Variants in FMO2 observed in about 807,000 individuals in gnomAD.
FMO2 encodes flavin containing dimethylaniline monoxygenase 2.
A neutral mutation model predicts 41.6 loss-of-function variants in FMO2; 33 were observed. The ratio of observed to expected loss-of-function variants is 0.79; its 90% confidence interval spans 0.60 to 1.06. The LOEUF is 1.06. FMO2 is among the 50% of genes least tolerant of loss of function. The pLI is 0.00. For missense variants in FMO2, 619 were observed against 632.9 expected (o/e 0.98, Z 0.23); for synonymous variants, 214 against 219.6 (o/e 0.97, Z 0.23).
intron 5 of FMO2, among the ~76,000 whole-genome samples, chr1:171,199,811 C>T (rs1284210153): frequency 6.6e-6 from 1 of 152,120 alleles, no homozygotes; most frequent in African/African-American, 2.4e-5. Context: ...ACCTCCTGGG[C>T]TCCAATCTTC....
chr1:171,196,896 G>C, intron 4 of FMO2, 85 bp downstream of exon 4: 1 of 1,228,082 alleles, frequency 8.1e-7, no homozygotes, highest in Non-Finnish European at 1.2e-6. Flanking sequence ...AGGATTCATT[G>C]CTGCAACTGG....
intron 2 of FMO2, among the ~76,000 whole-genome samples, chr1:171,192,533 G>T (rs1261580076): frequency 6.6e-6 from 1 of 151,964 alleles, no homozygotes; most frequent in Non-Finnish European, 1.5e-5. Context: ...AGGCTGAGGC[G>T]GGTGGATCAC....
chr1:171,189,984 G>C (rs1246017719), intron 2 of FMO2, among the ~76,000 whole-genome samples: 7 of 152,132 alleles, frequency 4.6e-5, no homozygotes, highest in African/African-American at 9.7e-5. Flanking sequence ...CTTAAAGAAA[G>C]GCAATTTTAT....
In FMO2 at chr1:171,187,627, CAA is replaced by C. The variant is rs765479366; in HGVS notation, c.132+1808_132+1809del. Reference sequence around the variant, plus strand: ...TGATTCCTTTGGTTAAACCTGCCACCAAAAAAAAAAAAAAAAAAAAAAAAAAA... The same window carrying C: ...TGATTCCTTTGGTTAAACCTGCCACCAAAAAAAAAAAAAAAAAAAAAAAAA... On this transcript the variant is annotated intron_variant, in intron 2 of 8. Transcript: ENST00000209929. 4.7e-3 allele frequency among the ~76,000 whole-genome samples: 385 copies of C among 82,576 alleles called. 3 individuals carry two copies. Among genetic ancestry groups the C allele is most frequent in the South Asian group, 0.02 (50 of 2,492 alleles). 54.2% of individuals were successfully genotyped at this position (82,576 alleles called of 152,430 possible). A position where few individuals can be genotyped will look rare whatever the true frequency, so the allele number is the denominator to read the frequency against.
chr1:171,209,052 G>A lies in FMO2; in HGVS notation c.1515G>A (p.Lys505=). Residue 505 remains lysine (K), a synonymous_variant, in exon 9 of 9, where the codon AAG becomes AAA. Transcript: ENST00000209929. ...ILKPLKTRAL[K]DSSNFSVSFL... ...AGCCACTCAAGACTCGGGCCCTGAA[G>A]GATTCATCTAATTTCTCAGTTTCTT... The A allele has an allele frequency of 1.7e-6, 2 of 1,168,870 alleles. No individual in the cohort carries two copies. The highest frequency in any genetic ancestry group is 2.4e-6 in the Non-Finnish European group (2 of 821,930). 72.4% of individuals were successfully genotyped at this position (1,168,870 alleles called of 1,614,324 possible).
chr1:171,195,883 G>A (rs1046569558), intron 3 of FMO2, among the ~76,000 whole-genome samples: 1 of 152,190 alleles, frequency 6.6e-6, no homozygotes, highest in African/African-American at 2.4e-5. Flanking sequence ...TTTAAAAATA[G>A]CAAATGTTAA....
At chr1:171,198,064 T>A (rs1372007463) in intron 4 of FMO2, among the ~76,000 whole-genome samples, 1 of 152,222 alleles carries the variant, frequency 6.6e-6, no homozygotes, top group Non-Finnish European at 1.5e-5. Flanking sequence ...CACCAGGCAA[T>A]GCTGATATTG....
chr1:171,185,574 G>T (rs1432503481), intron 1 of FMO2, 134 bp from the exon 2 acceptor site: 4 of 826,280 alleles, frequency 4.8e-6, no homozygotes, highest in Non-Finnish European at 7.6e-6. Flanking sequence ...TTTTTGACTG[G>T]CTCTTTATTC....
At chr1:171,196,035 A>G (rs1434332512) in intron 3 of FMO2, among the ~76,000 whole-genome samples, 1 of 152,218 alleles carries the variant, frequency 6.6e-6, no homozygotes, top group African/African-American at 2.4e-5. Context: ...TGATCACTTG[A>G]ATTATTGGTT....
intron 8 of FMO2, among the ~76,000 whole-genome samples, chr1:171,208,150 G>A (rs978875469): frequency 5.9e-5 from 9 of 152,142 alleles, no homozygotes; most frequent in African/African-American, 2.2e-4. Flanking sequence ...AGACAGTGGT[G>A]GTGATAGTAG....
intron 2 of FMO2, 84 bp from the exon 3 acceptor site, chr1:171,193,232 ACCAAAGACAATCGCATTAC>A: frequency 1.4e-6 from 1 of 715,578 alleles, no homozygotes; most frequent in South Asian, 1.8e-5. Context: ...CACTGCAGCA[ACCAAAGACAATCGCATTAC>A]CCAGGGGTTA....
intron 3 of FMO2, among the ~76,000 whole-genome samples, chr1:171,196,016 C>T (rs1273883375): frequency 1.3e-5 from 2 of 152,168 alleles, no homozygotes; most frequent in Non-Finnish European, 2.9e-5. Flanking sequence ...CTGACATATG[C>T]CAATTGCATG....
chr1:171,202,177 A>G (rs1387341992), intron 5 of FMO2, among the ~76,000 whole-genome samples: 3 of 152,176 alleles, frequency 2.0e-5, no homozygotes, highest in Admixed American at 6.5e-5. Context: ...ACAACAGAAA[A>G]AGAGTGAATC....
At chr1:171,199,275 G>A (rs1394647487) in intron 4 of FMO2, 71 bp from the exon 5 acceptor site, 2 of 1,373,998 alleles carry the variant, frequency 1.5e-6, no homozygotes, top group African/African-American at 3.0e-5. Flanking sequence ...AGCTGGCAAT[G>A]CAGTTTTATT....
chr1:171,195,156 G>A (rs1392132209), intron 3 of FMO2, among the ~76,000 whole-genome samples: 2 of 152,162 alleles, frequency 1.3e-5, no homozygotes, highest in Non-Finnish European at 2.9e-5. Flanking sequence ...CTTGGAGAGT[G>A]AAGAGGGGTT....
At chr1:171,192,325 C>G (rs1374245035) in intron 2 of FMO2, among the ~76,000 whole-genome samples, 1 of 152,186 alleles carries the variant, frequency 6.6e-6, no homozygotes, top group African/African-American at 2.4e-5. Flanking sequence ...AGTGCAAACT[C>G]TCTTTGGATC....
rs1658927816 is a variant in FMO2, at chr1:171,210,336, G to A, written c.*1191G>A. On this transcript the variant is annotated 3_prime_UTR_variant, in exon 9 of 9. Transcript: ENST00000209929. Reference sequence around the variant, plus strand: ...TCAAGTAGATGCAAAGCATTATAATGACTGACACTTGTATCTAACTCCAGT... The same window carrying A: ...TCAAGTAGATGCAAAGCATTATAATAACTGACACTTGTATCTAACTCCAGT... 1 of 152,292 alleles carries A rather than the reference G, an allele frequency of 6.6e-6. No individual in the cohort carries two copies. The highest frequency in any genetic ancestry group is 6.5e-5 in the Admixed American group (1 of 15,280). 9.4% of individuals were successfully genotyped at this position (152,292 alleles called of 1,614,324 possible).
At position 171,209,061 on chromosome 1, in the gene FMO2, T is replaced by C; in HGVS notation, c.1524T>C (p.Ser508=). Residue 508 remains serine, a synonymous_variant, in exon 9 of 9, where the codon TCT becomes TCC. Coordinates refer to ENST00000209929, the MANE Select transcript of FMO2 (RefSeq NM_001460.5). ...AGACTCGGGCCCTGAAGGATTCATCTAATTTCTCAGTTTCTTTTCTGTTGA... is the reference window on the plus strand; with the variant it reads ...AGACTCGGGCCCTGAAGGATTCATCCAATTTCTCAGTTTCTTTTCTGTTGA... The part of the protein sequence containing the change: ...PLKTRALKDS[S]NFSVSFLLKI... 8.8e-7 allele frequency: 1 copy of C among 1,135,152 alleles called. No individual in the cohort carries two copies. Among genetic ancestry groups the C allele is most frequent in the Non-Finnish European group, 1.3e-6 (1 of 794,804 alleles). The allele number at this position is 1,135,152 out of a possible 1,614,324, so 70.3% of individuals were successfully genotyped here.
intron 7 of FMO2, among the ~76,000 whole-genome samples, chr1:171,207,023 G>T (rs1030590902): frequency 1.3e-5 from 2 of 152,152 alleles, no homozygotes; most frequent in Admixed American, 1.3e-4. Context: ...AATACAGAGG[G>T]GGTGTGCAGA....
Sources: gnomAD v4.1 joint callset for allele counts (sites outside exome capture counted in the v4.1 genomes callset) on GRCh38, gnomAD v4.1.1 for gene constraint, MANE v1.5 for transcripts, NCBI Gene and HGNC (gene_info 2026-07-23, HGNC 2026-07-21) for gene names.